Variants in PIGG observed in about 807,000 individuals in gnomAD.
PIGG encodes the protein GPI ethanolamine phosphate transferase 2, catalytic subunit.
Under a neutral mutation model 83.2 loss-of-function variants are expected in PIGG, and 70 were observed. The observed-to-expected ratio is 0.84, with a 90% CI of 0.69 to 1.03. The LOEUF (loss-of-function observed/expected upper bound fraction) is 1.03. Among genes scored for constraint, PIGG ranks in the 50% least tolerant of loss-of-function variants. The probability of loss-of-function intolerance (pLI) is 0.00; values close to 1 mark genes in which losing one functional copy is unlikely to be tolerated. For missense variants in PIGG, 1,257 were observed against 1,233.6 expected (o/e 1.02, Z -0.28); for synonymous variants, 532 against 519.5 (o/e 1.02, Z -0.33).
At chr4:526,167 T>C (rs895593040) in intron 9 of PIGG, among the ~76,000 whole-genome samples, 7 of 152,262 alleles carry the variant, frequency 4.6e-5, no homozygotes, top group Non-Finnish European at 8.8e-5. Context: ...TATATTGTTA[T>C]AAATGTTCTA....
intron 1 of PIGG, 40 bp downstream of exon 1, chr4:499,529 A>T: frequency 9.6e-6 from 15 of 1,554,472 alleles, no homozygotes; most frequent in Non-Finnish European, 1.3e-5. Flanking sequence ...CCCTGACCCC[A>T]CATCCCCTAG....
At chr4:518,041 G>A (rs1724518570) in intron 6 of PIGG, among the ~76,000 whole-genome samples, 1 of 152,158 alleles carries the variant, frequency 6.6e-6, no homozygotes, top group African/African-American at 2.4e-5. Flanking sequence ...CGGCCTCCTA[G>A]AGTCACGTGT....
chr4:527,197 T>C lies in PIGG; in HGVS notation c.2228T>C (p.Phe743Ser). The change falls in exon 10 of 13, where the codon TTC (phenylalanine) becomes TCC (serine). Residue 743 changes from phenylalanine to serine, a missense_variant. By Grantham distance (155) the Phe-to-Ser change is radical. Transcript: ENST00000453061. The part of the protein sequence containing the change: ...CYRAAIGSVR[F>S]PWRPDSKDIS... Reference sequence around the variant, plus strand: ...CGGGCGGCCATCGGGAGTGTCCGGTTCCCGTGGCGGCCGGACAGCAAGGAC... The same window carrying C: ...CGGGCGGCCATCGGGAGTGTCCGGTCCCCGTGGCGGCCGGACAGCAAGGAC... 6.2e-7 allele frequency: 1 copy of C among 1,605,628 alleles called. No homozygotes were observed. Among genetic ancestry groups the C allele is most frequent in the Non-Finnish European group, 8.5e-7 (1 of 1,175,804 alleles).
At position 507,946 on chromosome 4, in the gene PIGG, ACTCT is replaced by A. The variant is rs563015082; in HGVS notation, c.759+358_759+361del. On this transcript the variant is annotated intron_variant, in intron 4 of 12. Coordinates refer to ENST00000453061, the MANE Select transcript of PIGG (RefSeq NM_001127178.3). Reference sequence around the variant, plus strand: ...TCTGTGTCACTCTCTGTTCTGTGTCACTCTCTCTTCTGTGTCACTCTCTGTTCTG... The same window carrying A: ...TCTGTGTCACTCTCTGTTCTGTGTCACTCTTCTGTGTCACTCTCTGTTCTG... 2.8e-3 allele frequency among the ~76,000 whole-genome samples: 418 copies of A among 147,912 alleles called. 6 individuals are homozygous for A. Among genetic ancestry groups the A allele is most frequent in the African/African-American group, 9.6e-3 (383 of 39,896 alleles).
At chr4:524,031 A>C (rs1726868239) in intron 9 of PIGG, 118 bp downstream of exon 9, 3 of 652,154 alleles carry the variant, frequency 4.6e-6, no homozygotes, top group Admixed American at 6.3e-5. Context: ...ATAGTATTTG[A>C]GATCTGAAGA....
rs1723392193 is a variant in PIGG, at chr4:515,120, A to C, written c.902-853A>C. Among the ~76,000 whole-genome samples the C allele has an allele frequency of 6.6e-6, 1 of 152,178 alleles. No individual in the cohort carries two copies. The highest frequency in any genetic ancestry group is 1.5e-5 in the Non-Finnish European group (1 of 68,024). ...CACAATCAAAGTAAAACCTCCCCAG[A>C]CTCACACCTGAGTATCTAAAGACAC... is the stretch of plus-strand genomic sequence containing the variant. On this transcript the variant is annotated intron_variant, in intron 5 of 12. Transcript: ENST00000453061. The surrounding 1 kb of genome is among the most constrained non-coding windows in gnomAD (Gnocchi z 4.2).
chr4:505,767 T>C lies in PIGG; in HGVS notation c.410T>C (p.Leu137Pro), dbSNP rs782296114. 2 of 1,613,544 alleles carry C rather than the reference T, an allele frequency of 1.2e-6. No homozygotes were observed. Among genetic ancestry groups the C allele is most frequent in the East Asian group, 4.5e-5 (2 of 44,854 alleles). The change falls in exon 3 of 13, where the codon CTC (leucine) becomes CCC (proline). Residue 137 changes from leucine (L) to proline (P), a missense_variant. Transcript: ENST00000453061. ...GGCTTTGTCGACGTCATCAGGAACCTCAATTCTCCTGCACTGCTGGAAGAC... is the reference window on the plus strand; with the variant it reads ...GGCTTTGTCGACGTCATCAGGAACCCCAATTCTCCTGCACTGCTGGAAGAC... ...LPGFVDVIRN[L>P]NSPALLEDSV...
chr4:499,444 AGAGCGGAACACG>A lies in PIGG; in HGVS notation c.117_128del (p.His40_Glu43del). ...CCCGGCTCCCGTTCGTTCCTCTGCC[AGAGCGGAACACG>A]GAGCGGAGCCCCCAGCGCCCGAACC... On this transcript the variant is annotated inframe_deletion, in exon 1 of 13. Transcript: ENST00000453061. The A allele has an allele frequency of 6.2e-7, 1 of 1,605,326 alleles. No homozygotes were observed. The highest frequency in any genetic ancestry group is 8.5e-7 in the Non-Finnish European group (1 of 1,179,638).
At chr4:534,036 A>G (rs1170414192) in intron 12 of PIGG, 55 bp downstream of exon 12, 5 of 1,534,684 alleles carry the variant, frequency 3.3e-6, no homozygotes, top group Non-Finnish European at 4.5e-6. Flanking sequence ...CCTGGTTTTA[A>G]GGGTCGTACT....
At chr4:512,551 G>A (rs1379168247) in intron 5 of PIGG, among the ~76,000 whole-genome samples, 1 of 151,938 alleles carries the variant, frequency 6.6e-6, no homozygotes, top group Non-Finnish European at 1.5e-5. Flanking sequence ...TGGCACGGTG[G>A]CTCATTTGTA....
intron 9 of PIGG, chr4:525,466 A>G: frequency 1.8e-6 from 1 of 556,140 alleles, no homozygotes; most frequent in Non-Finnish European, 2.3e-6. Flanking sequence ...GCAGAAGGAA[A>G]AGGGAAATGC....
intron 5 of PIGG, among the ~76,000 whole-genome samples, chr4:511,785 T>A (rs1722044036): frequency 6.6e-6 from 1 of 152,246 alleles, no homozygotes; most frequent in African/African-American, 2.4e-5. Context: ...TAAGGCAGAT[T>A]TGCTAGCAAA....
At chr4:502,163 T>G (rs1200452971) in intron 2 of PIGG, 1 of 152,238 alleles carries the variant, frequency 6.6e-6, no homozygotes, top group Admixed American at 6.5e-5. Flanking sequence ...ATTGTGCAGG[T>G]TCTAGGTTCT....
chr4:527,747 G>T, intron 10 of PIGG: 1 of 985,358 alleles, frequency 1.0e-6, no homozygotes, highest in Non-Finnish European at 1.2e-6. Flanking sequence ...TTGGCGGGAG[G>T]GCTCAGTCAG....
intron 5 of PIGG, among the ~76,000 whole-genome samples, chr4:512,290 G>A (rs1275555773): frequency 6.7e-6 from 1 of 148,150 alleles, no homozygotes; most frequent in Non-Finnish European, 1.5e-5. Flanking sequence ...CACGATCTCG[G>A]CTCACTGCCA....
At chr4:502,947 A>G (rs1193218081) in intron 2 of PIGG, among the ~76,000 whole-genome samples, 1 of 151,956 alleles carries the variant, frequency 6.6e-6, no homozygotes, top group Non-Finnish European at 1.5e-5. Flanking sequence ...TCAAGGAGGG[A>G]CAGTCCTATG....
intron 10 of PIGG, among the ~76,000 whole-genome samples, chr4:529,608 T>C (rs1577131700): frequency 6.6e-6 from 1 of 152,236 alleles, no homozygotes; most frequent in East Asian, 1.9e-4. Flanking sequence ...AAATATTATG[T>C]TTTAGGAACA....
rs1246005864 is a variant in PIGG at position 503,990 on chromosome 4, A to AT, written c.361-1723dup. Among the ~76,000 whole-genome samples, 5 of 152,074 alleles carry AT rather than the reference A, an allele frequency of 3.3e-5. No homozygotes were observed. The East Asian group carries it at 7.7e-4, about 23-fold the overall frequency. The stretch of plus-strand genomic sequence containing the variant: ...TTTAAAAAATAACTATTGAAATATA[A>AT]TTTTTATACAATTACATTTTTGCAT... On this transcript the variant is annotated intron_variant, in intron 2 of 12. Transcript: ENST00000453061.
chr4:538,130 A>ACACACAC (rs1172393249), intron 12 of PIGG, among the ~76,000 whole-genome samples: 1 of 152,142 alleles, frequency 6.6e-6, no homozygotes, highest in African/African-American at 2.4e-5. Context: ...ACACCCAGAC[A>ACACACAC]CACACACGTG....
Sources: gnomAD v4.1 joint callset for allele counts (sites outside exome capture counted in the v4.1 genomes callset) on GRCh38, gnomAD v4.1.1 for gene constraint, Gnocchi (gnomAD v3.1) non-coding constraint, MANE v1.5 for transcripts, NCBI Gene and HGNC (gene_info 2026-07-23, HGNC 2026-07-21) for gene names.